The following LPP variants were observed in gnomAD, a reference collection of about 807,000 sequenced individuals.
LPP encodes the protein lipoma-preferred partner.
LPP carries 38 observed loss-of-function variants against 60.4 expected under a neutral mutation model. The ratio of observed to expected loss-of-function variants is 0.63; its 90% CI spans 0.49 to 0.83. The LOEUF (loss-of-function observed/expected upper bound fraction) is 0.83, where lower values mean the gene tolerates loss of function less well. Ranked by LOEUF, LPP falls within the 40% of genes least tolerant of loss-of-function variation. LPP has a pLI of 0.00. For missense variants in LPP, 902 were observed against 783.6 expected, an observed-to-expected ratio of 1.15 and a Z score of -1.80; for synonymous variants, 328 against 290.8, an observed-to-expected ratio of 1.13 and a Z score of -1.30.
At chr3:188,300,211 C>A (rs953309650) in intron 2 of LPP, among the ~76,000 whole-genome samples, 6 of 150,974 alleles carry the variant, frequency 4.0e-5, no homozygotes, top group Admixed American at 3.3e-4. Flanking sequence ...TATTTTTTTT[C>A]TTTTTTTGTG....
At chr3:188,408,040 G>A (rs553123529) in intron 4 of LPP, among the ~76,000 whole-genome samples, 73 of 151,962 alleles carry the variant, frequency 4.8e-4, no homozygotes, top group African/African-American at 1.7e-3. Flanking sequence ...TGCCAGCCTC[G>A]GCTTCCCAAA....
intron 8 of LPP, chr3:188,743,866 T>C (rs1217648425): frequency 1.3e-5 from 2 of 152,168 alleles, no homozygotes; most frequent in African/African-American, 4.8e-5. Context: ...ATTTGATTCA[T>C]AGATTATTGA....
chr3:188,500,047 C>A (rs1487692061), intron 5 of LPP, among the ~76,000 whole-genome samples: 1 of 152,074 alleles, frequency 6.6e-6, no homozygotes, highest in Non-Finnish European at 1.5e-5. Context: ...ATTATGTCAT[C>A]TACAAGAAGA....
intron 9 of LPP, among the ~76,000 whole-genome samples, chr3:188,814,562 T>C (rs990759412): frequency 6.6e-6 from 1 of 152,238 alleles, no homozygotes; most frequent in African/African-American, 2.4e-5. Flanking sequence ...TTTTTCCAAA[T>C]AAATTAAATG....
chr3:188,529,135 A>G (rs1369582525), intron 6 of LPP, among the ~76,000 whole-genome samples: 1 of 152,222 alleles, frequency 6.6e-6, no homozygotes, highest in Non-Finnish European at 1.5e-5. Context: ...GAACTGAATT[A>G]GATGTGTTAA....
chr3:188,423,970 T>C (rs1788597257), intron 4 of LPP, among the ~76,000 whole-genome samples: 1 of 152,318 alleles, frequency 6.6e-6, no homozygotes. Context: ...TTAGATCCCA[T>C]TTGTCAATTT....
chr3:188,685,230 T>G (rs1860441594), intron 7 of LPP, among the ~76,000 whole-genome samples: 1 of 152,106 alleles, frequency 6.6e-6, no homozygotes, highest in Non-Finnish European at 1.5e-5. Context: ...GGACATTGTT[T>G]GGGGCCCAGT....
chr3:188,687,596 A>G (rs1861069894), intron 7 of LPP, among the ~76,000 whole-genome samples: 1 of 152,100 alleles, frequency 6.6e-6, no homozygotes, highest in Non-Finnish European at 1.5e-5. Context: ...CTCCTCTGCC[A>G]TGCGGAACTG....
intron 1 of LPP, among the ~76,000 whole-genome samples, chr3:188,189,135 G>A (rs1188323923): frequency 6.6e-6 from 1 of 152,138 alleles, no homozygotes; most frequent in East Asian, 1.9e-4. Context: ...ACCCAGGCTG[G>A]AATGCACTGG....
chr3:188,812,543 A>G (rs111479880), intron 9 of LPP, among the ~76,000 whole-genome samples: 16 of 152,312 alleles, frequency 1.1e-4, no homozygotes, highest in African/African-American at 3.8e-4. Context: ...ATCTGTGTTT[A>G]TCTTTCCCCT....
chr3:188,405,895 TTC>T (rs1783367898), intron 3 of LPP, among the ~76,000 whole-genome samples: 1 of 9,866 alleles, frequency 1.0e-4, no homozygotes, highest in Non-Finnish European at 2.2e-3. Context: ...CTTTCTTTCT[TTC>T]TCCTTTTCCT....
rs958095430 is a variant in LPP, at chr3:188,874,991, G to T, written c.*512G>T. The stretch of plus-strand genomic sequence containing the variant: ...TTGCTTTATACTACTCACGTCCTTG[G>T]GGAGGGAAATGCACAATTTTTTTTT... On this transcript the variant is annotated 3_prime_UTR_variant, in exon 12 of 12. Transcript: ENST00000617246. 4.4e-6 allele frequency: 1 copy of T among 224,842 alleles called. No individual in the cohort carries two copies. The highest frequency in any genetic ancestry group is 5.7e-5 in the Admixed American group (1 of 17,532). 13.9% of individuals were successfully genotyped at this position (224,842 alleles called of 1,614,324 possible).
chr3:188,747,044 C>G (rs1056255117), intron 8 of LPP, among the ~76,000 whole-genome samples: 1 of 152,124 alleles, frequency 6.6e-6, no homozygotes, highest in African/African-American at 2.4e-5. Context: ...TAGAAAAACA[C>G]TTGATTCGGT....
At chr3:188,802,511 G>A (rs541198971) in intron 9 of LPP, among the ~76,000 whole-genome samples, 3 of 152,264 alleles carry the variant, frequency 2.0e-5, no homozygotes, top group East Asian at 1.9e-4. Flanking sequence ...GGCTGGGCAC[G>A]GTGGCTCACG....
At position 188,743,151 on chromosome 3, in the gene LPP, T is replaced by A. The variant is rs924199906; in HGVS notation, c.1241-16962T>A. ...ACCTGCTTTTTCTGAGGGAAATATC[T>A]TTATAGAACTTTTCCAAAGCATTCT... On this transcript the variant is annotated intron_variant, in intron 8 of 11. Transcript: ENST00000617246. Among the ~76,000 whole-genome samples, 4 of 152,184 alleles carry A rather than the reference T, an allele frequency of 2.6e-5. No homozygotes were observed. In the East Asian group the frequency reaches 7.7e-4, roughly 29 times the overall value.
chr3:188,430,338 G>A (rs1001845756), intron 4 of LPP, among the ~76,000 whole-genome samples: 1 of 151,930 alleles, frequency 6.6e-6, no homozygotes, highest in African/African-American at 2.4e-5. Context: ...ATTGTACATG[G>A]GTTTAAGTTA....
intron 4 of LPP, among the ~76,000 whole-genome samples, chr3:188,421,753 G>A (rs886821920): frequency 6.6e-6 from 1 of 152,052 alleles, no homozygotes; most frequent in Non-Finnish European, 1.5e-5. Flanking sequence ...TAAGCTTCTT[G>A]TATTCCTTAA....
intron 1 of LPP, among the ~76,000 whole-genome samples, chr3:188,155,700 C>T (rs1221864243): frequency 6.6e-6 from 1 of 152,130 alleles, no homozygotes; most frequent in Non-Finnish European, 1.5e-5. Flanking sequence ...TTCCTGCCAG[C>T]ACCAGGGGGC....
chr3:188,609,359 T>TA lies in LPP; in HGVS notation c.629dup (p.Tyr210Ter). The stretch of plus-strand genomic sequence containing the variant: ...CCAGCCTCAGCCAGTCCCAGCCTCC[T>TA]ACACCACGGCCTCCACTTCTTCAAG... ...KPQPQPVPAS[Y>*]TTASTSSRPT... is the part of the protein sequence containing the mutation. Residue 210 changes from tyrosine (Y) to a stop codon, truncating the protein, a stop_gained and frameshift_variant, in exon 7 of 12, where the codon TAC (tyrosine) becomes TAAC (stop). Coordinates refer to ENST00000617246, the MANE Select transcript of LPP (RefSeq NM_001375462.1). LOFTEE classifies it high-confidence loss of function. This position sits in a 1 kb window ranked among gnomAD's most constrained non-coding sequence, Gnocchi z 6.9. 1.9e-6 allele frequency: 3 copies of TA among 1,614,112 alleles called. No homozygotes were observed. The highest frequency in any genetic ancestry group is 2.5e-6 in the Non-Finnish European group (3 of 1,180,024).
Sources: allele counts gnomAD v4.1 joint callset (sites outside exome capture counted in the v4.1 genomes callset), GRCh38; gene constraint gnomAD v4.1.1; non-coding constraint Gnocchi (gnomAD v3.1); transcripts MANE v1.5; gene names NCBI Gene and HGNC (gene_info 2026-07-23, HGNC 2026-07-21).